Variants in DOCK4 observed in about 807,000 individuals in gnomAD.
DOCK4 encodes the protein dedicator of cytokinesis 4, also known as dedicator of cytokinesis protein 4.
Under a neutral mutation model 268.1 loss-of-function variants are expected in DOCK4, and 97 were observed. The observed-to-expected ratio is 0.36, with a 90% CI of 0.31 to 0.43. The LOEUF (loss-of-function observed/expected upper bound fraction) is 0.43, where lower values mean the gene tolerates loss of function less well. DOCK4 is among the 20% of genes least tolerant of loss of function. The pLI, the probability that DOCK4 is intolerant of heterozygous loss-of-function variation, is 1.00. For synonymous variants in DOCK4, 954 were observed against 887.2 expected, an observed-to-expected ratio of 1.08 and a Z score of -1.34; for missense variants, 2,145 against 2,455.7, an observed-to-expected ratio of 0.87 and a Z score of 2.67.
At chr7:112,066,060 G>C (rs752678032) in intron 1 of DOCK4, among the ~76,000 whole-genome samples, 2 of 152,104 alleles carry the variant, frequency 1.3e-5, no homozygotes, top group East Asian at 1.9e-4. Context: ...GCTAATTTTA[G>C]GTATCAACTT....
intron 7 of DOCK4, among the ~76,000 whole-genome samples, chr7:111,980,296 T>C (rs918431630): frequency 1.2e-4 from 19 of 152,178 alleles, no homozygotes; most frequent in Admixed American, 1.2e-3. Context: ...CTTTCTTTTC[T>C]CTTGGTAATT....
intron 43 of DOCK4, among the ~76,000 whole-genome samples, chr7:111,746,630 C>A (rs1020885279): frequency 6.6e-6 from 1 of 151,960 alleles, no homozygotes; most frequent in East Asian, 1.9e-4. Context: ...ACAATAAGTA[C>A]CCTTGCTAAA....
chr7:112,205,953 G>A, intron 1 of DOCK4, 149 bp downstream of exon 1: 15 of 858,644 alleles, frequency 1.7e-5, no homozygotes, highest in Non-Finnish European at 1.8e-5. Context: ...TCTGCCTGGA[G>A]CTGGCTCGGC....
In DOCK4 at chr7:111,977,230, G is replaced by C. The variant is rs764679961; in HGVS notation, c.603C>G (p.His201Gln). The change falls in exon 8 of 53, where the codon CAC becomes CAG. Residue 201 changes from histidine to glutamine, a missense_variant. His to Gln is a conservative substitution (Grantham distance 24, BLOSUM62 0). This residue lies in a region of DOCK4 where 1,598 missense variants were observed against 1,986.7 expected (regional missense o/e 0.80). Coordinates refer to ENST00000428084, the MANE Select transcript of DOCK4 (RefSeq NM_001363540.2). Reference protein sequence around the residue: ...KDTPVQASSHHLFVQMKSLMC... With the variant: ...KDTPVQASSHQLFVQMKSLMC... ...TGAGGCTCTTCATCTGGACAAAGAG[G>C]TGGTGACTGCTGGCCTGCACCGGGG... 11 of 1,610,954 alleles carry C rather than the reference G, an allele frequency of 6.8e-6. No individual in the cohort carries two copies. The highest frequency in any genetic ancestry group is 9.3e-6 in the Non-Finnish European group (11 of 1,178,700).
chr7:111,922,375 T>C (rs2134590739), intron 12 of DOCK4, among the ~76,000 whole-genome samples: 1 of 152,372 alleles, frequency 6.6e-6, no homozygotes, highest in South Asian at 2.1e-4. Context: ...ATTCTTTAAA[T>C]GTGTAACATA....
At chr7:111,802,787 TA>T (rs1016523098) in intron 30 of DOCK4, among the ~76,000 whole-genome samples, 4 of 152,118 alleles carry the variant, frequency 2.6e-5, no homozygotes, top group African/African-American at 7.2e-5. Flanking sequence ...AGAAAATAGT[TA>T]AAAAAAATCC....
chr7:111,732,315 C>A, intron 51 of DOCK4, 28 bp from the exon 52 acceptor site: 15 of 1,612,376 alleles, frequency 9.3e-6, no homozygotes, highest in Non-Finnish European at 1.3e-5. Context: ...GATAACATTT[C>A]AATTAAGAAA....
chr7:111,891,148 G>A (rs1205174402), intron 16 of DOCK4, among the ~76,000 whole-genome samples: 1 of 151,190 alleles, frequency 6.6e-6, no homozygotes, highest in Non-Finnish European at 1.5e-5. Context: ...ACAAGGCTAA[G>A]TTTAAATTTC....
intron 12 of DOCK4, among the ~76,000 whole-genome samples, chr7:111,918,387 G>A (rs1045900910): frequency 2.6e-5 from 4 of 152,126 alleles, no homozygotes; most frequent in African/African-American, 4.8e-5. Flanking sequence ...TTAGGTGACC[G>A]ATGACAATAA....
At chr7:111,784,605 A>C (rs551892589) in intron 32 of DOCK4, 1 of 401,480 alleles carries the variant, frequency 2.5e-6, no homozygotes, top group South Asian at 1.9e-5. Context: ...GATTGATGAC[A>C]AGTACTGAAC....
Position 111,732,597 on chromosome 7 carries a change from G to C in DOCK4, c.5420-310C>G. 3 of 379,470 alleles carry C rather than the reference G, an allele frequency of 7.9e-6. No individual in the cohort carries two copies. The South Asian group carries it at 8.9e-5, about 11-fold the overall frequency. 23.5% of individuals were successfully genotyped at this position (379,470 alleles called of 1,614,324 possible). Reference sequence around the variant, plus strand: ...GTTTCCCCAAAGTCCAGGTGCTTCTGCACTGCTTGATCTGTCTCATAAGGT... The same window carrying C: ...GTTTCCCCAAAGTCCAGGTGCTTCTCCACTGCTTGATCTGTCTCATAAGGT... On this transcript the variant is annotated intron_variant, in intron 51 of 52. Coordinates refer to ENST00000428084, the MANE Select transcript of DOCK4 (RefSeq NM_001363540.2).
chr7:112,128,355 C>T (rs995730900), intron 1 of DOCK4, among the ~76,000 whole-genome samples: 13 of 152,126 alleles, frequency 8.5e-5, no homozygotes, highest in Admixed American at 1.3e-4. Context: ...CGCCTCTGCC[C>T]GGCCGCCCCT....
At chr7:111,858,397 GGT>G (rs1462654170) in intron 23 of DOCK4, among the ~76,000 whole-genome samples, 1 of 152,060 alleles carries the variant, frequency 6.6e-6, no homozygotes, top group Non-Finnish European at 1.5e-5. Context: ...CATTTTTCTG[GGT>G]GTGTCTGTGA....
rs766401518 is a variant in DOCK4 at position 111,746,384 on chromosome 7, G to T, written c.4627C>A (p.Pro1543Thr). Residue 1543 changes from proline (P) to threonine (T), a missense_variant, in exon 44 of 53, where the codon CCT (proline) becomes ACT (threonine). This residue lies in a region of DOCK4 where 1,598 missense variants were observed against 1,986.7 expected (regional missense o/e 0.80). Coordinates refer to ENST00000428084, the MANE Select transcript of DOCK4 (RefSeq NM_001363540.2). ...CGTGCAATTTTCTCCCCATCTTCAG[G>T]GTGACTTAAGATATATTCTTTGACA... ...FFVKEYILSH[P>T]EDGEKIARLR... The T allele has an allele frequency of 1.2e-5, 19 of 1,612,428 alleles. No homozygotes were observed. Among genetic ancestry groups the T allele is most frequent in the Non-Finnish European group, 1.6e-5 (19 of 1,179,224 alleles).
chr7:111,810,859 A>G (rs113919844), intron 28 of DOCK4, among the ~76,000 whole-genome samples: 11,221 of 152,068 alleles, frequency 0.074, 1,401 homozygotes, highest in African/African-American at 0.26. Flanking sequence ...AAAATTAGCC[A>G]GGCATGGTGG....
At chr7:111,914,082 C>G (rs891493524) in intron 13 of DOCK4, among the ~76,000 whole-genome samples, 1 of 152,070 alleles carries the variant, frequency 6.6e-6, no homozygotes, top group Non-Finnish European at 1.5e-5. Context: ...GAAATTTTAA[C>G]GAGACTCCTT....
At chr7:112,072,480 G>A (rs746383271) in intron 1 of DOCK4, among the ~76,000 whole-genome samples, 4 of 152,148 alleles carry the variant, frequency 2.6e-5, no homozygotes, top group Non-Finnish European at 5.9e-5. Context: ...GGAATGTAAA[G>A]TAGTACAGCC....
chr7:111,996,799 G>A (rs1799996713), intron 4 of DOCK4, among the ~76,000 whole-genome samples: 1 of 151,912 alleles, frequency 6.6e-6, no homozygotes, highest in African/African-American at 2.4e-5. Context: ...TTACTAACCA[G>A]GATTTAAAAA....
intron 13 of DOCK4, among the ~76,000 whole-genome samples, chr7:111,906,120 A>G (rs1791548993): frequency 6.6e-6 from 1 of 152,188 alleles, no homozygotes; most frequent in Admixed American, 6.6e-5. Context: ...TGCAGTAAGA[A>G]TGGCCATCAA....
Sources: gnomAD v4.1 joint callset for allele counts (sites outside exome capture counted in the v4.1 genomes callset) on GRCh38, gnomAD v4.1.1 for gene constraint, gnomAD v4.1.1 regional missense constraint, MANE v1.5 for transcripts, NCBI Gene and HGNC (gene_info 2026-07-23, HGNC 2026-07-21) for gene names.